The following CALN1 variants were observed in gnomAD, a reference collection of about 807,000 sequenced individuals.
The protein encoded by CALN1 is calneuron 1.
In CALN1, 17 loss-of-function variants were observed where a neutral mutation model predicts 30.6. The ratio of observed to expected loss-of-function variants is 0.56; its 90% CI spans 0.38 to 0.83. The LOEUF (loss-of-function observed/expected upper bound fraction) is 0.83, where lower values mean the gene tolerates loss of function less well. Among genes scored for constraint, CALN1 ranks in the 40% least tolerant of loss-of-function variants. The pLI is 0.00. For missense variants in CALN1, 291 were observed against 354.9 expected, an observed-to-expected ratio of 0.82 and a Z score of 1.45; for synonymous variants, 156 against 131.4, an observed-to-expected ratio of 1.19 and a Z score of -1.28.
chr7:72,037,800 C>G (rs1801892500), intron 4 of CALN1, among the ~76,000 whole-genome samples: 2 of 152,112 alleles, frequency 1.3e-5, no homozygotes, highest in Non-Finnish European at 2.9e-5. Flanking sequence ...ATCAATCTGA[C>G]TAAACTGAAT....
Position 72,166,197 on chromosome 7 carries a change from G to GT in CALN1, c.245-59904dup, listed in dbSNP as rs199530593. Among the ~76,000 whole-genome samples, 507 of 152,038 alleles carry GT rather than the reference G, an allele frequency of 3.3e-3. 4 individuals are homozygous for GT. Among genetic ancestry groups the GT allele is most frequent in the Admixed American group, 7.7e-3 (118 of 15,272 alleles). ...GTGTTTTGCCCTGGTTCAGGTTTCT[G>GT]TTTTTTGTTTGTTTGTTTGTTTTTG... On this transcript the variant is annotated intron_variant, in intron 3 of 6. Transcript: ENST00000395275.
chr7:72,231,010 G>C (rs1209489956), intron 3 of CALN1, among the ~76,000 whole-genome samples: 5 of 152,162 alleles, frequency 3.3e-5, no homozygotes, highest in Non-Finnish European at 7.3e-5. Flanking sequence ...GCCCCACCTG[G>C]GGGCATGAAT....
chr7:71,961,568 T>G (rs1426116297), intron 5 of CALN1, among the ~76,000 whole-genome samples: 1 of 152,182 alleles, frequency 6.6e-6, no homozygotes, highest in Non-Finnish European at 1.5e-5. Context: ...GCAAACTTCT[T>G]TCTCTCACTA....
chr7:71,812,965 T>TA, intron 5 of CALN1, among the ~76,000 whole-genome samples: 1 of 144,510 alleles, frequency 6.9e-6, no homozygotes, highest in Admixed American at 7.0e-5. Flanking sequence ...TTATTATTAT[T>TA]TGAGATGGAG....
At chr7:72,455,144 A>G in the CALN1 span, among the ~76,000 whole-genome samples, 1 of 151,816 alleles carries the variant, frequency 6.6e-6, no homozygotes, top group Non-Finnish European at 1.5e-5. Context: ...GCTCTCTTAC[A>G]AGAAATTTCT....
At chr7:72,197,647 A>G (rs1490967814) in intron 3 of CALN1, among the ~76,000 whole-genome samples, 1 of 152,124 alleles carries the variant, frequency 6.6e-6, no homozygotes, top group Non-Finnish European at 1.5e-5. Flanking sequence ...CTAGACAACA[A>G]TGTGAGTTCT....
At chr7:71,988,532 A>G (rs1376138389) in intron 5 of CALN1, among the ~76,000 whole-genome samples, 1 of 152,196 alleles carries the variant, frequency 6.6e-6, no homozygotes, top group African/African-American at 2.4e-5. Context: ...TGGCTGAATT[A>G]GTGGAAATTC....
chr7:72,035,317 T>C (rs947884152), intron 4 of CALN1, among the ~76,000 whole-genome samples: 1 of 152,136 alleles, frequency 6.6e-6, no homozygotes, highest in Non-Finnish European at 1.5e-5. Context: ...CCATTCTACT[T>C]TCTCTCGGAT....
chr7:72,373,560 T>G (rs909568590), intron 2 of CALN1, among the ~76,000 whole-genome samples: 2 of 152,154 alleles, frequency 1.3e-5, no homozygotes, highest in African/African-American at 4.8e-5. Context: ...TAAAATAGGC[T>G]TGTGTTAGGT....
At chr7:72,214,236 T>G (rs1277452948) in intron 3 of CALN1, among the ~76,000 whole-genome samples, 1 of 152,188 alleles carries the variant, frequency 6.6e-6, no homozygotes, top group Non-Finnish European at 1.5e-5. Flanking sequence ...TCCCAGCACT[T>G]TGGGAGGCCT....
intron 2 of CALN1, among the ~76,000 whole-genome samples, chr7:72,396,806 C>A (rs1045226289): frequency 6.6e-6 from 1 of 152,104 alleles, no homozygotes; most frequent in African/African-American, 2.4e-5. Flanking sequence ...ACCACTAGAA[C>A]CATGACTCAC....
At chr7:72,420,825 T>G (rs1374564731) in intron 1 of CALN1, among the ~76,000 whole-genome samples, 1 of 152,040 alleles carries the variant, frequency 6.6e-6, no homozygotes, top group Non-Finnish European at 1.5e-5. Flanking sequence ...TTCACTATGT[T>G]AGCCAGGATG....
intron 5 of CALN1, among the ~76,000 whole-genome samples, chr7:71,885,776 T>C (rs1183130998): frequency 6.6e-6 from 1 of 152,170 alleles, no homozygotes; most frequent in Non-Finnish European, 1.5e-5. Context: ...ATTTGCCAAA[T>C]GTTTCTGACT....
intron 2 of CALN1, chr7:72,336,757 G>A (rs1463804243): frequency 2.0e-6 from 2 of 985,208 alleles, no homozygotes; most frequent in Non-Finnish European, 2.4e-6. Context: ...TCCGCACAGC[G>A]CGGGGGGCTT....
chr7:71,811,806 G>A (rs1349341998), intron 5 of CALN1, among the ~76,000 whole-genome samples: 5 of 151,694 alleles, frequency 3.3e-5, no homozygotes, highest in Admixed American at 6.6e-5. Flanking sequence ...AGCCTCCCGA[G>A]TAGCTGGGAT....
intron 2 of CALN1, among the ~76,000 whole-genome samples, chr7:72,321,517 C>T (rs1800879850): frequency 6.6e-6 from 1 of 152,100 alleles, no homozygotes; most frequent in Non-Finnish European, 1.5e-5. Flanking sequence ...AAATCGTAAA[C>T]GTAATTGTTT....
intron 2 of CALN1, among the ~76,000 whole-genome samples, chr7:72,369,506 C>A (rs972840310): frequency 6.6e-6 from 1 of 151,752 alleles, no homozygotes; most frequent in Non-Finnish European, 1.5e-5. Flanking sequence ...GGATTACAGG[C>A]ATGCACCACC....
intron 5 of CALN1, among the ~76,000 whole-genome samples, chr7:71,964,862 A>C (rs1372842012): frequency 6.6e-6 from 1 of 152,150 alleles, no homozygotes; most frequent in African/African-American, 2.4e-5. Flanking sequence ...TGACCAATGT[A>C]ATGTTCTATC....
At chr7:71,794,487 C>T (rs1786773017) in intron 6 of CALN1, among the ~76,000 whole-genome samples, 1 of 152,188 alleles carries the variant, frequency 6.6e-6, no homozygotes, top group East Asian at 1.9e-4. Context: ...CTGACTTCTT[C>T]TCCTAATTGC....
Sources: allele counts gnomAD v4.1 joint callset (sites outside exome capture counted in the v4.1 genomes callset), GRCh38; gene constraint gnomAD v4.1.1; transcripts MANE v1.5; gene names NCBI Gene and HGNC (gene_info 2026-07-23, HGNC 2026-07-21).